KCNK2: variants seen among roughly 807,000 people sequenced by gnomAD.
The protein encoded by KCNK2 is potassium two pore domain channel subfamily K member 2.
A neutral mutation model predicts 40.5 loss-of-function variants in KCNK2; 21 were observed. That is an observed-to-expected ratio of 0.52 (90% CI 0.37 to 0.75). KCNK2 has a LOEUF of 0.75. KCNK2 is among the 30% of genes least tolerant of loss of function. KCNK2 has a pLI of 0.00. For synonymous variants in KCNK2, 191 were observed against 202.2 expected (o/e 0.94, Z 0.47); for missense variants, 399 against 531.6 (o/e 0.75, Z 2.45).
chr1:215,016,268 A>G (rs1019679504), intron 1 of KCNK2, among the ~76,000 whole-genome samples: 1 of 125,676 alleles, frequency 8.0e-6, no homozygotes, highest in Non-Finnish European at 1.7e-5. Context: ...AATGAAAAAT[A>G]CAAGAGTTAA....
intron 2 of KCNK2, among the ~76,000 whole-genome samples, chr1:215,096,852 C>T (rs1659997994): frequency 6.6e-6 from 1 of 151,922 alleles, no homozygotes; most frequent in African/African-American, 2.4e-5. Flanking sequence ...TTCGGAACTG[C>T]ATTAAGTGGA....
At chr1:215,225,925 CT>C (rs1384989218) in intron 6 of KCNK2, among the ~76,000 whole-genome samples, 1 of 152,088 alleles carries the variant, frequency 6.6e-6, no homozygotes, top group Non-Finnish European at 1.5e-5. Context: ...ATAAATATTC[CT>C]TGTGGTTATA....
At chr1:215,095,395 C>G (rs1659934441) in intron 2 of KCNK2, among the ~76,000 whole-genome samples, 3 of 152,092 alleles carry the variant, frequency 2.0e-5, no homozygotes, top group Non-Finnish European at 4.4e-5. Context: ...AAGTCTGCAT[C>G]TTCCTAGAGA....
chr1:215,086,248 G>C (rs1659429955), intron 1 of KCNK2, 120 bp from the exon 2 acceptor site: 1 of 784,642 alleles, frequency 1.3e-6, no homozygotes, highest in Admixed American at 2.6e-5. Flanking sequence ...TTGGGTTCCA[G>C]AGCTTCCACT....
intron 3 of KCNK2, among the ~76,000 whole-genome samples, chr1:215,138,257 A>G (rs1662016867): frequency 6.6e-6 from 1 of 152,188 alleles, no homozygotes; most frequent in Admixed American, 6.6e-5. Flanking sequence ...AGATATTTTC[A>G]GTACTCCTCT....
chr1:215,010,647 C>G (rs1279006476), intron 1 of KCNK2, among the ~76,000 whole-genome samples: 1 of 152,060 alleles, frequency 6.6e-6, no homozygotes, highest in African/African-American at 2.4e-5. Context: ...TTTTGAAACC[C>G]GAGGTAAGAG....
intron 1 of KCNK2, among the ~76,000 whole-genome samples, chr1:215,053,432 TAAATGAAC>T (rs1188607236): frequency 6.6e-6 from 1 of 152,056 alleles, no homozygotes; most frequent in Non-Finnish European, 1.5e-5. Flanking sequence ...GACTAAGCAG[TAAATGAAC>T]AAATGAACAG....
rs147777869 is a variant in KCNK2 at position 215,163,497 on chromosome 1, G to A, written c.476-5702G>A. The stretch of plus-strand genomic sequence containing the variant: ...AGAGAGGGCATCCTTGTCTTGTGCC[G>A]GTTTTCAAAGGGAGAGATTCCCGCT... On this transcript the variant is annotated intron_variant, in intron 3 of 6. Coordinates refer to ENST00000444842, the MANE Select transcript of KCNK2 (RefSeq NM_001017425.3). Among the ~76,000 whole-genome samples the A allele has an allele frequency of 4.9e-4, 74 of 152,170 alleles. No individual in the cohort carries two copies. In the East Asian group the frequency reaches 8.7e-3, roughly 18 times the overall value.
chr1:215,231,487 T>C (rs1666665211), intron 6 of KCNK2, among the ~76,000 whole-genome samples: 2 of 152,134 alleles, frequency 1.3e-5, no homozygotes, highest in African/African-American at 4.8e-5. Context: ...TATTAACTTA[T>C]TTGATTGTTA....
At chr1:215,016,796 C>T (rs1656603424) in intron 1 of KCNK2, among the ~76,000 whole-genome samples, 1 of 151,982 alleles carries the variant, frequency 6.6e-6, no homozygotes, top group Non-Finnish European at 1.5e-5. Flanking sequence ...AAACAGTTAA[C>T]AGAATGAAGA....
chr1:215,010,986 ATATACT>A (rs571495044), intron 1 of KCNK2, among the ~76,000 whole-genome samples: 136 of 122,480 alleles, frequency 1.1e-3, no homozygotes, highest in African/African-American at 4.5e-3. Flanking sequence ...GAATAATAAA[ATATACT>A]TATATATAAT....
chr1:215,071,221 T>G (rs1480133784), intron 1 of KCNK2, among the ~76,000 whole-genome samples: 1 of 152,208 alleles, frequency 6.6e-6, no homozygotes, highest in Non-Finnish European at 1.5e-5. Flanking sequence ...GATTTTGACA[T>G]GTCTTGTGAT....
At chr1:215,075,039 A>G (rs1310425687) in intron 1 of KCNK2, among the ~76,000 whole-genome samples, 1 of 152,210 alleles carries the variant, frequency 6.6e-6, no homozygotes, top group East Asian at 1.9e-4. Flanking sequence ...CTTAATTTAA[A>G]TAATTAACAT....
At chr1:215,147,493 G>A (rs1468344281) in intron 3 of KCNK2, among the ~76,000 whole-genome samples, 1 of 152,126 alleles carries the variant, frequency 6.6e-6, no homozygotes. Context: ...TGTTTGATTA[G>A]GCTCTTTCCT....
chr1:215,107,708 T>C (rs1204549164), intron 2 of KCNK2, among the ~76,000 whole-genome samples: 1 of 152,156 alleles, frequency 6.6e-6, no homozygotes, highest in Non-Finnish European at 1.5e-5. Context: ...TTTTTTCTAT[T>C]GAGTCATGTG....
intron 1 of KCNK2, among the ~76,000 whole-genome samples, chr1:215,047,818 A>G (rs550509389): frequency 6.6e-6 from 1 of 152,318 alleles, no homozygotes; most frequent in East Asian, 1.9e-4. Flanking sequence ...TTCAATACAG[A>G]TATATTCTAT....
At chr1:215,043,691 G>A (rs904720025) in intron 1 of KCNK2, among the ~76,000 whole-genome samples, 8 of 152,116 alleles carry the variant, frequency 5.3e-5, no homozygotes, top group African/African-American at 1.7e-4. Flanking sequence ...AGTTGAAGAA[G>A]ATGAAAAAAT....
intron 5 of KCNK2, among the ~76,000 whole-genome samples, chr1:215,178,400 T>G (rs1664077737): frequency 6.6e-6 from 1 of 152,148 alleles, no homozygotes; most frequent in South Asian, 2.1e-4. Context: ...GTATGTTGAA[T>G]AGGAGTGGTG....
intron 2 of KCNK2, 26 bp downstream of exon 2, chr1:215,086,704 T>G: frequency 1.3e-5 from 21 of 1,590,570 alleles, no homozygotes; most frequent in Non-Finnish European, 1.8e-5. Flanking sequence ...GAGTTGTTAC[T>G]CTGTTCCCCC....
Sources: gnomAD v4.1 joint callset for allele counts (sites outside exome capture counted in the v4.1 genomes callset) on GRCh38, gnomAD v4.1.1 for gene constraint, MANE v1.5 for transcripts, NCBI Gene and HGNC (gene_info 2026-07-23, HGNC 2026-07-21) for gene names.